The following HERC4 variants were observed in gnomAD, a reference collection of about 807,000 sequenced individuals.
The protein encoded by HERC4 is probable E3 ubiquitin-protein ligase HERC4.
HERC4 carries 28 observed loss-of-function variants against 124.3 expected under a neutral mutation model. The observed-to-expected ratio is 0.23, with a 90% CI of 0.17 to 0.31. The LOEUF (loss-of-function observed/expected upper bound fraction) is 0.31. Among genes scored for constraint, HERC4 ranks in the 10% least tolerant of loss-of-function variants. The pLI, the probability that HERC4 is intolerant of heterozygous loss-of-function variation, is 1.00. For missense variants in HERC4, 713 were observed against 1,229.3 expected (o/e 0.58, Z 6.28); for synonymous variants, 407 against 421.5 (o/e 0.97, Z 0.42).
intron 15 of HERC4, among the ~76,000 whole-genome samples, chr10:67,974,467 T>C (rs2035462646): frequency 6.6e-6 from 1 of 152,200 alleles, no homozygotes; most frequent in Non-Finnish European, 1.5e-5. Flanking sequence ...AACTAAGGAA[T>C]ATCTGAAAGG....
chr10:67,934,589 T>A (rs1389502892), intron 22 of HERC4, among the ~76,000 whole-genome samples: 1 of 152,172 alleles, frequency 6.6e-6, no homozygotes, highest in Non-Finnish European at 1.5e-5. Flanking sequence ...AGTAACTTCC[T>A]GAGAAAAAGG....
chr10:67,941,168 T>G (rs1293792258), intron 19 of HERC4, 63 bp from the exon 20 acceptor site: 5 of 1,138,816 alleles, frequency 4.4e-6, no homozygotes, highest in Non-Finnish European at 6.1e-6. Flanking sequence ...TTTCTAAGAT[T>G]ACATAAATAT....
chr10:67,936,475 G>A (rs1294550915), intron 21 of HERC4, among the ~76,000 whole-genome samples: 2 of 152,108 alleles, frequency 1.3e-5, no homozygotes, highest in Non-Finnish European at 2.9e-5. Flanking sequence ...AGTTAATAAG[G>A]AAACTAAGCA....
At chr10:68,071,056 C>T (rs2041550509) in intron 3 of HERC4, among the ~76,000 whole-genome samples, 1 of 152,206 alleles carries the variant, frequency 6.6e-6, no homozygotes, top group Non-Finnish European at 1.5e-5. Context: ...AAAGCTAATG[C>T]CTGTCACTTT....
At chr10:67,975,523 G>C (rs1191196588) in intron 15 of HERC4, among the ~76,000 whole-genome samples, 2 of 152,076 alleles carry the variant, frequency 1.3e-5, no homozygotes, top group African/African-American at 4.8e-5. Context: ...CTAATTTTTT[G>C]TATTTTTGTA....
intron 16 of HERC4, among the ~76,000 whole-genome samples, chr10:67,957,856 G>A (rs568131442): frequency 1.3e-5 from 2 of 152,182 alleles, no homozygotes; most frequent in African/African-American, 4.8e-5. Flanking sequence ...TGCCGGGGCT[G>A]GAGTGCAATG....
chr10:67,977,131 C>T (rs1376719076), intron 15 of HERC4, among the ~76,000 whole-genome samples: 2 of 152,194 alleles, frequency 1.3e-5, no homozygotes, highest in Admixed American at 6.6e-5. Flanking sequence ...CAGCTTGTGG[C>T]TCCAAAAGAG....
At chr10:68,056,794 G>A (rs1193618149) in intron 3 of HERC4, among the ~76,000 whole-genome samples, 1 of 152,008 alleles carries the variant, frequency 6.6e-6, no homozygotes, top group African/African-American at 2.4e-5. Context: ...GGACCCAATA[G>A]TTTAAAGTAA....
intron 3 of HERC4, among the ~76,000 whole-genome samples, chr10:68,048,463 G>C (rs117250878): frequency 6.6e-6 from 1 of 152,108 alleles, no homozygotes; most frequent in Non-Finnish European, 1.5e-5. Context: ...AAAAGACAAC[G>C]ATGGAGACAG....
At chr10:67,949,890 A>C (rs1389655782) in intron 19 of HERC4, among the ~76,000 whole-genome samples, 4 of 151,884 alleles carry the variant, frequency 2.6e-5, no homozygotes, top group Non-Finnish European at 1.5e-5. Context: ...ATGGTGGCGC[A>C]CACCTGTAAT....
At chr10:68,071,822 C>T (rs2041590224) in intron 3 of HERC4, among the ~76,000 whole-genome samples, 1 of 152,022 alleles carries the variant, frequency 6.6e-6, no homozygotes, top group Non-Finnish European at 1.5e-5. Flanking sequence ...CAAATTAAGG[C>T]AGAAGAAAAT....
chr10:67,927,409 TATATATATATATA>T (rs2031174109), intron 23 of HERC4, among the ~76,000 whole-genome samples: 1 of 10,388 alleles, frequency 9.6e-5, no homozygotes, highest in African/African-American at 2.6e-4. Context: ...TATATATATA[TATATATATATATA>T]TATATATATT....
At chr10:68,013,912 T>C in intron 9 of HERC4, 114 bp downstream of exon 9, 1 of 894,850 alleles carries the variant, frequency 1.1e-6, no homozygotes, top group Non-Finnish European at 1.7e-6. Context: ...ATTTTGCTGT[T>C]TTCACTTAAC....
Position 68,059,808 on chromosome 10 carries a change from T to TATAATATTATATATC in HERC4, c.226+13060_226+13074dup, listed in dbSNP as rs2040867043. ...TATTATATATCATAATATTATATAT[T>TATAATATTATATATC]ATAATATTATATATCATAATATTAT... On this transcript the variant is annotated intron_variant, in intron 3 of 24. Transcript: ENST00000373700. Among the ~76,000 whole-genome samples, 5 of 69,440 alleles carry TATAATATTATATATC rather than the reference T, an allele frequency of 7.2e-5. 1 individual carries two copies. The highest frequency in any genetic ancestry group is 1.0e-4 in the Non-Finnish European group (5 of 50,032). 45.6% of individuals were successfully genotyped at this position (69,440 alleles called of 152,430 possible).
chr10:67,941,211 G>GT (rs2032855167), intron 19 of HERC4, 106 bp from the exon 20 acceptor site: 7 of 741,042 alleles, frequency 9.4e-6, no homozygotes, highest in Non-Finnish European at 1.4e-5. Flanking sequence ...AGAGAAAAAA[G>GT]TAATAAATAA....
At chr10:67,997,966 A>G (rs1484090114) in intron 9 of HERC4, among the ~76,000 whole-genome samples, 1 of 152,028 alleles carries the variant, frequency 6.6e-6, no homozygotes, top group East Asian at 1.9e-4. Context: ...CAGTGGTGTG[A>G]TCTTGGCTCA....
chr10:67,936,919 G>C (rs189547164), intron 21 of HERC4, among the ~76,000 whole-genome samples: 11 of 152,116 alleles, frequency 7.2e-5, no homozygotes, highest in African/African-American at 2.7e-4. Flanking sequence ...AGTAAAGGAA[G>C]AGAAATGTAA....
chr10:68,070,312 A>T (rs1400341422), intron 3 of HERC4: 4 of 957,562 alleles, frequency 4.2e-6, no homozygotes, highest in African/African-American at 1.8e-5. Context: ...AACATTATTT[A>T]AAAAACATCT....
intron 20 of HERC4, 126 bp downstream of exon 20, chr10:67,940,813 T>C: frequency 2.4e-6 from 2 of 832,606 alleles, no homozygotes; most frequent in South Asian, 3.7e-5. Context: ...AGAAGGGCAT[T>C]TGTTTACTTC....
Sources: allele counts gnomAD v4.1 joint callset (sites outside exome capture counted in the v4.1 genomes callset), GRCh38; gene constraint gnomAD v4.1.1; transcripts MANE v1.5; gene names NCBI Gene and HGNC (gene_info 2026-07-23, HGNC 2026-07-21).